The following MYO9B variants were observed in gnomAD, a reference collection of about 807,000 sequenced individuals.
The protein encoded by MYO9B is myosin IXB.
MYO9B carries 71 observed loss-of-function variants against 229.5 expected under a neutral mutation model. The observed-to-expected ratio is 0.31, with a 90% confidence interval of 0.26 to 0.38. The LOEUF (loss-of-function observed/expected upper bound fraction) is 0.38, where lower values mean the gene tolerates loss of function less well. MYO9B is among the 10% of genes least tolerant of loss of function. The pLI, the probability that MYO9B is intolerant of heterozygous loss-of-function variation, is 1.00. For missense variants in MYO9B, 2,255 were observed against 2,920.5 expected, an observed-to-expected ratio of 0.77 and a Z score of 5.25; for synonymous variants, 1,185 against 1,235.8, an observed-to-expected ratio of 0.96 and a Z score of 0.86.
intron 1 of MYO9B, among the ~76,000 whole-genome samples, chr19:17,085,485 G>A (rs1261736787): frequency 1.3e-5 from 2 of 152,006 alleles, no homozygotes; most frequent in Non-Finnish European, 2.9e-5. Context: ...GGGAATCAGT[G>A]GGATAGGTGA....
intron 33 of MYO9B, 95 bp from the exon 34 acceptor site, chr19:17,206,584 G>A: frequency 7.6e-7 from 1 of 1,315,572 alleles, no homozygotes; most frequent in Non-Finnish European, 1.1e-6. Context: ...ACCACAGGGT[G>A]GATGGCACCT....
chr19:17,172,463 A>C lies in MYO9B; in HGVS notation c.1921A>C (p.Lys641Gln). The C allele has an allele frequency of 6.2e-7, 1 of 1,613,728 alleles. No individual in the cohort carries two copies. Residue 641 changes from lysine to glutamine, a missense_variant, in exon 12 of 40, where the codon AAA becomes CAA. Physicochemically the swap from Lys to Gln is moderately conservative, Grantham distance 53. This residue lies in a region of MYO9B where 220 missense variants were observed against 404.5 expected (regional missense o/e 0.54). Coordinates refer to ENST00000682292, the MANE Select transcript of MYO9B (RefSeq NM_004145.4). The surrounding 1 kb of genome is among the most constrained non-coding windows in gnomAD (Gnocchi z 8.2). ...FIIQHFAGKV[K>Q]YQIKDFREKN... ...CATCCAGCACTTCGCAGGGAAGGTG[A>C]AATATCAGATCAAGGTAGGTGTCTG...
rs746517079 is a variant in MYO9B at position 17,184,976 on chromosome 19, G to A, written c.2485G>A (p.Ala829Thr). 3 of 1,613,772 alleles carry A rather than the reference G, an allele frequency of 1.9e-6. No individual in the cohort carries two copies. The highest frequency in any genetic ancestry group is 1.1e-5 in the South Asian group (1 of 91,088). Reference sequence around the variant, plus strand: ...GAAGAAAAAGCCACCAAGCATCAGCGCCCAGTTCCAGGTAGGTGGAGCAGG... The same window carrying A: ...GAAGAAAAAGCCACCAAGCATCAGCACCCAGTTCCAGGTAGGTGGAGCAGG... ...HKKKKPPSIS[A>T]QFQTSLNKLL... The change falls in exon 17 of 40, where the codon GCC (alanine) becomes ACC (threonine). Residue 829 changes from alanine to threonine, a missense_variant. Physicochemically the swap from Ala to Thr is moderately conservative, Grantham distance 58 (BLOSUM62 0). Around this residue, in one of 7 missense-constraint regions of MYO9B, gnomAD observed 68 missense variants for 133.5 expected, o/e 0.51. Transcript: ENST00000682292.
At chr19:17,210,449 C>G in intron 37 of MYO9B, 69 bp downstream of exon 37, 1 of 1,476,546 alleles carries the variant, frequency 6.8e-7, no homozygotes, top group Non-Finnish European at 9.1e-7. Flanking sequence ...TTCCCTGGGG[C>G]CCTGGGCCCC....
intron 1 of MYO9B, among the ~76,000 whole-genome samples, chr19:17,090,129 T>C (rs1372684251): frequency 5.8e-5 from 1 of 17,264 alleles, no homozygotes; most frequent in Non-Finnish European, 9.8e-5. Flanking sequence ...TTTTTTTTTT[T>C]TTTTTTTTTT....
intron 11 of MYO9B, among the ~76,000 whole-genome samples, chr19:17,168,797 G>A (rs1239684422): frequency 6.6e-6 from 1 of 151,932 alleles, no homozygotes; most frequent in Non-Finnish European, 1.5e-5. Context: ...AGACAGGATT[G>A]GCGAGTTGTT....
chr19:17,142,807 C>T (rs540222849), intron 2 of MYO9B, among the ~76,000 whole-genome samples: 7 of 152,198 alleles, frequency 4.6e-5, no homozygotes, highest in South Asian at 2.1e-4. Context: ...AATGTGAAAA[C>T]CATTCTTGGC....
chr19:17,194,711 G>A lies in MYO9B; in HGVS notation c.3284G>A (p.Gly1095Glu), dbSNP rs751649304. ...GGGCCGGAGCCAGCGGAGGATGGCG[G>A]GCACCTGGCATCGGAGCCTGAGGTG... ...EQGPEPAEDG[G>E]HLASEPEVQP... The change falls in exon 22 of 40, where the codon GGG (glycine) becomes GAG (glutamate). Residue 1095 changes from glycine (G) to glutamate (E), a missense_variant. Physicochemically the swap from Gly to Glu is moderately conservative, Grantham distance 98 (BLOSUM62 -2). This residue lies in a region of MYO9B where 679 missense variants were observed against 770.2 expected (regional missense o/e 0.88). Coordinates refer to ENST00000682292, the MANE Select transcript of MYO9B (RefSeq NM_004145.4). The A allele has an allele frequency of 1.1e-5, 17 of 1,612,740 alleles. No individual in the cohort carries two copies. The highest frequency in any genetic ancestry group is 1.6e-4 in the Middle Eastern group (1 of 6,082).
intron 2 of MYO9B, among the ~76,000 whole-genome samples, chr19:17,132,663 G>A (rs2072216214): frequency 6.9e-6 from 1 of 145,872 alleles, no homozygotes; most frequent in South Asian, 2.2e-4. Flanking sequence ...CGAGTAGCTG[G>A]GACTACAGGC....
Position 17,184,902 on chromosome 19 carries a change from G to A in MYO9B, c.2411G>A (p.Ser804Asn). The A allele has an allele frequency of 6.2e-7, 1 of 1,613,902 alleles. No homozygotes were observed. The highest frequency in any genetic ancestry group is 8.5e-7 in the Non-Finnish European group (1 of 1,179,858). Residue 804 changes from serine to asparagine, a missense_variant, in exon 17 of 40, where the codon AGC becomes AAC. Around this residue, in one of 7 missense-constraint regions of MYO9B, gnomAD observed 155 missense variants for 159.1 expected, o/e 0.97. Coordinates refer to ENST00000682292, the MANE Select transcript of MYO9B (RefSeq NM_004145.4). ...LDSKSLKLIISMTLHDRTTKS... is the reference protein window; with the variant it reads ...LDSKSLKLIINMTLHDRTTKS... ...TCCAAGTCCCTGAAACTCATCATCA[G>A]CATGACTCTGCACGACCGCACCACC...
At chr19:17,113,853 C>T (rs375577968) in intron 2 of MYO9B, among the ~76,000 whole-genome samples, 1 of 152,078 alleles carries the variant, frequency 6.6e-6, no homozygotes, top group Non-Finnish European at 1.5e-5. Context: ...CCAGAGGCGA[C>T]GAGAAAGCAG....
chr19:17,202,041 C>A lies in MYO9B; in HGVS notation c.4662+17C>A, dbSNP rs199554090. 552 of 1,611,764 alleles carry A rather than the reference C, an allele frequency of 3.4e-4. 2 individuals are homozygous for A. The African/African-American group carries it at 7.0e-3, about 20-fold the overall frequency. On this transcript the variant is annotated intron_variant, in intron 27 of 39. Coordinates refer to ENST00000682292, the MANE Select transcript of MYO9B (RefSeq NM_004145.4). ...TCTGTCCCGGTATGTGGCGGCCCGGCCTTCAGCCTTTCCCATACCCTGCTC... is the reference window on the plus strand; with the variant it reads ...TCTGTCCCGGTATGTGGCGGCCCGGACTTCAGCCTTTCCCATACCCTGCTC...
intron 15 of MYO9B, among the ~76,000 whole-genome samples, chr19:17,181,733 G>GTTTC (rs527266607): frequency 1.4e-3 from 218 of 152,252 alleles, no homozygotes; most frequent in South Asian, 5.6e-3. Flanking sequence ...ATGAGAGCCA[G>GTTTC]TTTCTTTCTT....
At chr19:17,156,791 T>C (rs2072542053) in intron 6 of MYO9B, 118 bp from the exon 7 acceptor site, 1 of 1,242,760 alleles carries the variant, frequency 8.0e-7, no homozygotes, top group African/African-American at 1.5e-5. Context: ...ATTTTTCAAA[T>C]TTCATGCGTT....
At chr19:17,211,545 GAC>G in intron 38 of MYO9B, 100 bp from the exon 39 acceptor site, 1 of 1,143,984 alleles carries the variant, frequency 8.7e-7, no homozygotes, top group Non-Finnish European at 1.2e-6. Context: ...GGAGGTTGGG[GAC>G]ACAGAGTTAC....
chr19:17,209,275 GA>G (rs2073198628), intron 35 of MYO9B, among the ~76,000 whole-genome samples: 1 of 152,244 alleles, frequency 6.6e-6, no homozygotes, highest in African/African-American at 2.4e-5. Flanking sequence ...TTGCCCCTGG[GA>G]CAAACTGCCC....
At position 17,102,514 on chromosome 19, in the gene MYO9B, G is replaced by C; in HGVS notation, c.797G>C (p.Ser266Thr). 2.5e-6 allele frequency: 4 copies of C among 1,610,996 alleles called. No individual in the cohort carries two copies. The highest frequency in any genetic ancestry group is 3.4e-6 in the Non-Finnish European group (4 of 1,178,550). Reference protein sequence around the residue: ...LTALSQKGYASGVERTILGAG... With the variant: ...LTALSQKGYATGVERTILGAG... ...GCCCTCAGCCAGAAGGGCTACGCCA[G>C]CGGCGTCGAGAGGACCATCCTGGGT... is the stretch of plus-strand genomic sequence containing the variant. The change falls in exon 2 of 40, where the codon AGC becomes ACC. Residue 266 changes from serine (S) to threonine (T), a missense_variant. Around this residue, in one of 7 missense-constraint regions of MYO9B, gnomAD observed 386 missense variants for 515.2 expected, o/e 0.75. Transcript: ENST00000682292.
intron 1 of MYO9B, among the ~76,000 whole-genome samples, chr19:17,087,475 C>T (rs1202263882): frequency 2.0e-5 from 3 of 152,162 alleles, no homozygotes; most frequent in African/African-American, 7.2e-5. Flanking sequence ...GAATATTCGG[C>T]TAAGGCAGAA....
intron 5 of MYO9B, 92 bp from the exon 6 acceptor site, chr19:17,154,223 G>T: frequency 5.8e-6 from 8 of 1,388,532 alleles, no homozygotes; most frequent in Non-Finnish European, 7.1e-6. Flanking sequence ...TGGTCCTGGG[G>T]CCCTGCCCCA....
Sources: allele counts gnomAD v4.1 joint callset (sites outside exome capture counted in the v4.1 genomes callset), GRCh38; gene constraint gnomAD v4.1.1; regional missense constraint gnomAD v4.1.1; non-coding constraint Gnocchi (gnomAD v3.1); transcripts MANE v1.5; gene names NCBI Gene and HGNC (gene_info 2026-07-23, HGNC 2026-07-21).